CYLC1: variants seen among roughly 807,000 people sequenced by gnomAD.
CYLC1 encodes the protein cylicin-1.
Under a neutral mutation model 31.6 loss-of-function variants are expected in CYLC1, and 2 were observed. That is an observed-to-expected ratio of 0.06 (90% CI 0.03 to 0.20). The LOEUF (loss-of-function observed/expected upper bound fraction) is 0.20, where lower values mean the gene tolerates loss of function less well. Among genes scored for constraint, CYLC1 ranks in the 10% least tolerant of loss-of-function variants. The pLI is 1.00. For synonymous variants in CYLC1, 185 were observed against 153.0 expected (o/e 1.21, Z -1.54); for missense variants, 595 against 424.1 (o/e 1.40, Z -3.54).
intron 4 of CYLC1, among the ~76,000 whole-genome samples, chrX:83,879,918 C>G (rs1367583996): frequency 8.9e-6 from 1 of 111,973 alleles, no homozygotes; most frequent in Non-Finnish European, 1.9e-5. Flanking sequence ...TTTTGCCATT[C>G]TAATGGATGC....
intron 4 of CYLC1, among the ~76,000 whole-genome samples, chrX:83,875,760 C>T (rs2031748754): frequency 9.0e-6 from 1 of 111,179 alleles, no homozygotes; most frequent in Non-Finnish European, 1.9e-5. Context: ...CATGTTTCCT[C>T]CCTTTCTGTC....
chrX:83,873,301 A>G lies in CYLC1; in HGVS notation c.593A>G (p.Lys198Arg). The G allele has an allele frequency of 8.3e-7, 1 of 1,201,702 alleles. No individual in the cohort carries two copies. Among genetic ancestry groups the G allele is most frequent in the Non-Finnish European group, 1.1e-6 (1 of 891,178 alleles). ...SKTVSKNCSQ[K>R]DKKDSKNSKK... ...ACAGTCTCAAAAAATTGTTCACAAAAAGATAAGAAAGATTCAAAGAATTCC... is the reference window on the plus strand; with the variant it reads ...ACAGTCTCAAAAAATTGTTCACAAAGAGATAAGAAAGATTCAAAGAATTCC... The change falls in exon 4 of 5, where the codon AAA becomes AGA. Residue 198 changes from lysine (K) to arginine (R), a missense_variant. Physicochemically the swap from Lys to Arg is conservative, Grantham distance 26 (BLOSUM62 2). Coordinates refer to ENST00000329312, the MANE Select transcript of CYLC1 (RefSeq NM_021118.3).
In CYLC1 at chrX:83,873,255, C is replaced by A. The variant is rs776844180; in HGVS notation, c.547C>A (p.Pro183Thr). 7 of 1,198,589 alleles carry A rather than the reference C, an allele frequency of 5.8e-6. No homozygotes were observed. The South Asian group carries it at 7.3e-5, about 12-fold the overall frequency. ...KKSKSSSETN[P>T]ESQNSKTVSK... ...GTCAAAATCCAGTTCAGAAACTAAT[C>A]CAGAATCCCAAAATTCTAAGACAGT... is the stretch of plus-strand genomic sequence containing the variant. The change falls in exon 4 of 5, where the codon CCA becomes ACA. Residue 183 changes from proline to threonine, a missense_variant. Coordinates refer to ENST00000329312, the MANE Select transcript of CYLC1 (RefSeq NM_021118.3).
rs2031662850 is a variant in CYLC1 at position 83,871,484 on chromosome X, A to G, written c.91A>G (p.Lys31Glu). Residue 31 changes from lysine to glutamate, a missense_variant, in exon 3 of 5, where the codon AAA (lysine) becomes GAA (glutamate). Transcript: ENST00000329312. ...SESSRKSWNQ[K>E]HFALTFPKPL... The stretch of plus-strand genomic sequence containing the variant: ...ATCAAGCAGAAAATCATGGAATCAA[A>G]AACACTTTGCTTTGACATTTCCCAA... 1 of 1,204,932 alleles carries G rather than the reference A, an allele frequency of 8.3e-7. No homozygotes were observed. The highest frequency in any genetic ancestry group is 1.7e-5 in the African/African-American group (1 of 57,455).
Position 83,871,395 on chromosome X carries a change from AG to A in CYLC1, c.59-55del, listed in dbSNP as rs1469632334. 7.3e-6 allele frequency: 6 copies of A among 826,046 alleles called. No individual in the cohort carries two copies. In the Admixed American group the frequency reaches 1.5e-4, roughly 20 times the overall value. 68.1% of individuals were successfully genotyped at this position (826,046 alleles called of 1,213,427 possible). Reference sequence around the variant, plus strand: ...TATGTTTCTTACTCAAGAATAATTCAGGTCTGTGGAAAATCTGACATTAACT... The same window carrying A: ...TATGTTTCTTACTCAAGAATAATTCAGTCTGTGGAAAATCTGACATTAACT... On this transcript the variant is annotated intron_variant, in intron 2 of 4. Coordinates refer to ENST00000329312, the MANE Select transcript of CYLC1 (RefSeq NM_021118.3).
At chrX:83,879,399 C>A (rs1475228009) in intron 4 of CYLC1, among the ~76,000 whole-genome samples, 2 of 110,630 alleles carry the variant, frequency 1.8e-5, no homozygotes, top group African/African-American at 3.3e-5. Flanking sequence ...TTGTTTTGAC[C>A]AAAATACAAT....
intron 4 of CYLC1, among the ~76,000 whole-genome samples, chrX:83,884,864 A>G (rs1237013833): frequency 9.0e-6 from 1 of 110,998 alleles, no homozygotes; most frequent in Non-Finnish European, 1.9e-5. Flanking sequence ...CTGACTGTCA[A>G]TAATAATTTC....
intron 4 of CYLC1, among the ~76,000 whole-genome samples, chrX:83,884,279 G>A (rs887147695): frequency 9.0e-6 from 1 of 111,340 alleles, no homozygotes; most frequent in Admixed American, 9.6e-5. Context: ...ACATTGTTTG[G>A]TTTTTTCCTT....
chrX:83,874,653 A>G (rs772246934), intron 4 of CYLC1, 22 bp downstream of exon 4: 4 of 1,146,867 alleles, frequency 3.5e-6, no homozygotes, highest in Non-Finnish European at 4.6e-6. Context: ...ACTGTTTTAT[A>G]TTTAGGCTGA....
chrX:83,877,911 TATA>T (rs2031799193), intron 4 of CYLC1, among the ~76,000 whole-genome samples: 2 of 22,220 alleles, frequency 9.0e-5, no homozygotes, highest in Non-Finnish European at 2.6e-4. Flanking sequence ...TATATATAAA[TATA>T]TATATATATA....
rs768640100 is a variant in CYLC1, at chrX:83,873,068, T to C, written c.360T>C (p.Asp120=). The C allele has an allele frequency of 2.5e-6, 3 of 1,195,708 alleles. No homozygotes were observed. The highest frequency in any genetic ancestry group is 1.8e-5 in the African/African-American group (1 of 56,177). The change falls in exon 4 of 5, where the codon GAT becomes GAC. Residue 120 remains aspartate, a synonymous_variant. Coordinates refer to ENST00000329312, the MANE Select transcript of CYLC1 (RefSeq NM_021118.3). ...LKKAEYKKSK[D]EKGGTPLKKD... is the part of the protein sequence containing the mutation. Reference sequence around the variant, plus strand: ...AAGCAGAATATAAAAAGTCCAAAGATGAAAAAGGAGGAACACCTTTGAAGA... The same window carrying C: ...AAGCAGAATATAAAAAGTCCAAAGACGAAAAAGGAGGAACACCTTTGAAGA...
intron 4 of CYLC1, among the ~76,000 whole-genome samples, chrX:83,881,487 A>G (rs370411546): frequency 9.2e-6 from 1 of 108,991 alleles, no homozygotes; most frequent in South Asian, 4.0e-4. Context: ...CATAACAGTG[A>G]TGGACTACGG....
At chrX:83,864,057 T>G (rs985625462) in intron 1 of CYLC1, among the ~76,000 whole-genome samples, 7 of 111,536 alleles carry the variant, frequency 6.3e-5, no homozygotes, top group African/African-American at 2.3e-4. Flanking sequence ...ACGTTTTGTC[T>G]ATGTCTGTTT....
At chrX:83,862,809 G>T (rs184219685) in intron 1 of CYLC1, among the ~76,000 whole-genome samples, 40 of 111,511 alleles carry the variant, frequency 3.6e-4, no homozygotes, top group African/African-American at 1.1e-3. Context: ...CTGTCCTCTT[G>T]CTGTATCTGA....
At position 83,873,856 on chromosome X, in the gene CYLC1, A is replaced by T. The variant is rs147166127; in HGVS notation, c.1148A>T (p.Asp383Val). Residue 383 changes from aspartate to valine, a missense_variant, in exon 4 of 5, where the codon GAT (aspartate) becomes GTT (valine). Coordinates refer to ENST00000329312, the MANE Select transcript of CYLC1 (RefSeq NM_021118.3). ...ESGDAKDARN[D>V]SRNLKKASKN... ...GGAGATGCAAAGGATGCAAGAAATGATTCAAGAAATTTGAAGAAAGCTTCA... is the reference window on the plus strand; with the variant it reads ...GGAGATGCAAAGGATGCAAGAAATGTTTCAAGAAATTTGAAGAAAGCTTCA... 316 of 1,194,279 alleles carry T rather than the reference A, an allele frequency of 2.6e-4. 1 individual carries two copies. In the African/African-American group the frequency reaches 5.2e-3, roughly 20 times the overall value.
chrX:83,864,929 C>T (rs749677083), intron 1 of CYLC1, among the ~76,000 whole-genome samples: 101 of 110,350 alleles, frequency 9.2e-4, no homozygotes, highest in South Asian at 8.5e-3. Flanking sequence ...TGTTGAATAG[C>T]CTAAAAACTT....
Position 83,873,990 on chromosome X carries a change from G to A in CYLC1, c.1282G>A (p.Asp428Asn). The change falls in exon 4 of 5, where the codon GAT becomes AAT. Residue 428 changes from aspartate to asparagine, a missense_variant. By Grantham distance (23) the Asp-to-Asn change is conservative. Transcript: ENST00000329312. Reference protein sequence around the residue: ...SQKDEKKDKKDSKTDNKKSVK... With the variant: ...SQKDEKKDKKNSKTDNKKSVK... Reference sequence around the variant, plus strand: ...GAAAGATGAAAAAAAGGATAAAAAAGATTCAAAGACAGATAATAAAAAGTC... The same window carrying A: ...GAAAGATGAAAAAAAGGATAAAAAAAATTCAAAGACAGATAATAAAAAGTC... The A allele has an allele frequency of 1.7e-6, 2 of 1,184,410 alleles. No individual in the cohort carries two copies. The highest frequency in any genetic ancestry group is 3.6e-5 in the African/African-American group (2 of 56,192).
intron 1 of CYLC1, 39 bp from the exon 2 acceptor site, chrX:83,869,826 T>A: frequency 1.5e-6 from 1 of 676,277 alleles, no homozygotes; most frequent in Non-Finnish European, 2.0e-6. Context: ...TTATTGCCCA[T>A]AATACAAATT....
intron 1 of CYLC1, among the ~76,000 whole-genome samples, chrX:83,869,212 T>C (rs1330724117): frequency 9.0e-6 from 1 of 111,129 alleles, no homozygotes; most frequent in Non-Finnish European, 1.9e-5. Flanking sequence ...AATTATAGTT[T>C]ATCTTTTTGT....
Sources: allele counts gnomAD v4.1 joint callset (sites outside exome capture counted in the v4.1 genomes callset), GRCh38; gene constraint gnomAD v4.1.1; transcripts MANE v1.5; gene names NCBI Gene and HGNC (gene_info 2026-07-23, HGNC 2026-07-21).